Variants in SGCZ observed in about 807,000 individuals in gnomAD.
SGCZ encodes zeta-sarcoglycan.
In SGCZ, 40 loss-of-function variants were observed where a neutral mutation model predicts 41.3. That is an observed-to-expected ratio of 0.97 (90% CI 0.75 to 1.26). SGCZ has a LOEUF of 1.26. Among genes scored for constraint, SGCZ ranks in the 50% most tolerant of loss-of-function variants. The pLI is 0.00. For missense variants in SGCZ, 552 were observed against 369.8 expected, an observed-to-expected ratio of 1.49 and a Z score of -4.04; for synonymous variants, 206 against 137.5, an observed-to-expected ratio of 1.50 and a Z score of -3.49.
At chr8:14,155,248 C>T (rs1047953209) in intron 5 of SGCZ, among the ~76,000 whole-genome samples, 1 of 152,158 alleles carries the variant, frequency 6.6e-6, no homozygotes, top group African/African-American at 2.4e-5. Flanking sequence ...TGTGCTAAAT[C>T]TCTTCAAGTT....
intron 1 of SGCZ, among the ~76,000 whole-genome samples, chr8:14,622,065 A>T (rs755281491): frequency 2.0e-5 from 3 of 152,148 alleles, no homozygotes; most frequent in African/African-American, 7.2e-5. Context: ...AGACTAGATG[A>T]GGTCATCAGA....
chr8:15,154,582 G>C (rs1008328228), intron 1 of SGCZ, among the ~76,000 whole-genome samples: 1 of 152,170 alleles, frequency 6.6e-6, no homozygotes, highest in African/African-American at 2.4e-5. Flanking sequence ...ATATCATAGA[G>C]GCAGAAACTT....
rs974799250 is a variant in SGCZ, at chr8:14,327,750, A to C, written c.235-3546T>G. 2.6e-5 allele frequency among the ~76,000 whole-genome samples: 4 copies of C among 152,180 alleles called. No homozygotes were observed. In the East Asian group the frequency reaches 7.7e-4, roughly 29 times the overall value. On this transcript the variant is annotated intron_variant, in intron 2 of 7. Transcript: ENST00000382080. ...CATCACATTTCATTTAAATTAGATA[A>C]AACAGAATTCCCCTCTGTAAATGTA...
At chr8:14,515,270 G>A (rs1802587969) in intron 2 of SGCZ, among the ~76,000 whole-genome samples, 1 of 152,014 alleles carries the variant, frequency 6.6e-6, no homozygotes, top group Non-Finnish European at 1.5e-5. Context: ...ACTTATTTAA[G>A]TTTGTGCTCC....
intron 5 of SGCZ, among the ~76,000 whole-genome samples, chr8:14,119,359 T>G (rs1802622069): frequency 6.7e-6 from 1 of 150,114 alleles, no homozygotes; most frequent in Non-Finnish European, 1.5e-5. Context: ...TTTGGCTCTC[T>G]GTTTGTCTAT....
chr8:14,475,180 T>C (rs1784800710), intron 2 of SGCZ, among the ~76,000 whole-genome samples: 1 of 152,162 alleles, frequency 6.6e-6, no homozygotes, highest in South Asian at 2.1e-4. Flanking sequence ...AGCAAAAGAA[T>C]TATATTTCAA....
At chr8:14,860,596 A>C (rs2130677502) in intron 1 of SGCZ, among the ~76,000 whole-genome samples, 1 of 151,744 alleles carries the variant, frequency 6.6e-6, no homozygotes, top group South Asian at 2.1e-4. Context: ...AAAGAAGAAA[A>C]GGAAAATGAA....
rs34683158 is a variant in SGCZ at position 14,205,171 on chromosome 8, ATT to A, written c.424+32419_424+32420del. Among the ~76,000 whole-genome samples the A allele has an allele frequency of 1.4e-3, 206 of 149,294 alleles. 1 individual carries two copies. Among genetic ancestry groups the A allele is most frequent in the Middle Eastern group, 0.01 (3 of 292 alleles). On this transcript the variant is annotated intron_variant, in intron 4 of 7. Coordinates refer to ENST00000382080, the MANE Select transcript of SGCZ (RefSeq NM_139167.4). ...ACACAAAAGTGGTATCCTAGACTTT[ATT>A]TTTTTTTTTTCACTTCTTAAAGAGA...
chr8:14,894,740 G>C (rs73517325), intron 1 of SGCZ, among the ~76,000 whole-genome samples: 1 of 151,624 alleles, frequency 6.6e-6, no homozygotes, highest in Admixed American at 6.6e-5. Context: ...TAAAAATGTC[G>C]GTCTTCTTTT....
chr8:14,338,408 T>G (rs1802575002), intron 2 of SGCZ, among the ~76,000 whole-genome samples: 1 of 152,136 alleles, frequency 6.6e-6, no homozygotes, highest in African/African-American at 2.4e-5. Flanking sequence ...ACCAAAAATG[T>G]GAGAATGTAT....
intron 1 of SGCZ, among the ~76,000 whole-genome samples, chr8:14,978,726 A>G (rs948135170): frequency 2.8e-4 from 42 of 152,040 alleles, no homozygotes; most frequent in African/African-American, 9.9e-4. Context: ...TTGGTGGGCC[A>G]TCTGTATTTC....
At chr8:14,723,561 C>A (rs1809957853) in intron 1 of SGCZ, among the ~76,000 whole-genome samples, 1 of 152,074 alleles carries the variant, frequency 6.6e-6, no homozygotes, top group South Asian at 2.1e-4. Flanking sequence ...TCAGGGCACC[C>A]CTCTCCCATT....
At chr8:14,101,270 G>A (rs1802011612) in intron 7 of SGCZ, among the ~76,000 whole-genome samples, 2 of 144,668 alleles carry the variant, frequency 1.4e-5, no homozygotes, top group Admixed American at 1.4e-4. Flanking sequence ...CACAGTAAGA[G>A]AAAGAAACTG....
intron 3 of SGCZ, among the ~76,000 whole-genome samples, chr8:14,300,902 C>A (rs17230838): frequency 0.22 from 32,751 of 151,532 alleles, 4,663 homozygotes; most frequent in Non-Finnish European, 0.32. Context: ...TAAAGGTGGC[C>A]AAACAAGAGT....
intron 1 of SGCZ, among the ~76,000 whole-genome samples, chr8:14,816,425 G>A (rs548353366): frequency 3.5e-4 from 53 of 152,300 alleles, no homozygotes; most frequent in African/African-American, 1.3e-3. Flanking sequence ...TAGTCAGAAA[G>A]TACAATGTTA....
chr8:15,045,273 C>A (rs930984961), intron 1 of SGCZ, among the ~76,000 whole-genome samples: 1 of 151,960 alleles, frequency 6.6e-6, no homozygotes, highest in Non-Finnish European at 1.5e-5. Context: ...AGATCAGAGA[C>A]CTTTTACAGA....
chr8:14,655,860 T>C (rs1282400317), intron 1 of SGCZ, among the ~76,000 whole-genome samples: 2 of 152,092 alleles, frequency 1.3e-5, no homozygotes, highest in Non-Finnish European at 2.9e-5. Flanking sequence ...TGGAACCACA[T>C]ACTATGCAAC....
intron 1 of SGCZ, among the ~76,000 whole-genome samples, chr8:14,901,144 T>C (rs1297050839): frequency 1.3e-5 from 2 of 152,218 alleles, no homozygotes; most frequent in Non-Finnish European, 2.9e-5. Flanking sequence ...TAATTATACA[T>C]ATGGACTGTA....
intron 1 of SGCZ, among the ~76,000 whole-genome samples, chr8:15,205,840 T>A (rs777830588): frequency 1.3e-5 from 2 of 152,116 alleles, no homozygotes; most frequent in Non-Finnish European, 2.9e-5. Context: ...TTATTCACAA[T>A]AGCAAACACA....
Sources: allele counts gnomAD v4.1 joint callset (sites outside exome capture counted in the v4.1 genomes callset), GRCh38; gene constraint gnomAD v4.1.1; transcripts MANE v1.5; gene names NCBI Gene and HGNC (gene_info 2026-07-23, HGNC 2026-07-21).